The following DIAPH2 variants were observed in gnomAD, a reference collection of about 807,000 sequenced individuals.
The protein encoded by DIAPH2 is protein diaphanous homolog 2.
In DIAPH2, 35 loss-of-function variants were observed where a neutral mutation model predicts 92.7. The ratio of observed to expected loss-of-function variants is 0.38; its 90% confidence interval spans 0.29 to 0.50. DIAPH2 has a LOEUF of 0.50. Among genes scored for constraint, DIAPH2 ranks in the 20% least tolerant of loss-of-function variants. The pLI is 0.94. For missense variants in DIAPH2, 701 were observed against 819.5 expected (o/e 0.86, Z 1.77); for synonymous variants, 301 against 280.4 (o/e 1.07, Z -0.73).
Position 97,244,762 on chromosome X carries a change from T to G in DIAPH2, c.2720-2953T>G, listed in dbSNP as rs187059197. ...TTCTATGTCCCTTTATTTTCAGAGA[T>G]AAGGATGTTGGTTTCCTCAGGGTGC... On this transcript the variant is annotated intron_variant, in intron 22 of 26. Coordinates refer to ENST00000324765, the MANE Select transcript of DIAPH2 (RefSeq NM_006729.5). Among the ~76,000 whole-genome samples the G allele has an allele frequency of 6.3e-5, 7 of 111,877 alleles. No homozygotes were observed. The East Asian group carries it at 1.7e-3, about 27-fold the overall frequency.
chrX:97,300,912 A>C (rs1461898455), intron 23 of DIAPH2, among the ~76,000 whole-genome samples: 1 of 84,637 alleles, frequency 1.2e-5, no homozygotes, highest in African/African-American at 4.3e-5. Flanking sequence ...AGCCTGGGCC[A>C]CAGAGCAAGA....
intron 26 of DIAPH2, among the ~76,000 whole-genome samples, chrX:97,465,915 T>TGA (rs1308903715): frequency 2.7e-5 from 3 of 111,628 alleles, no homozygotes; most frequent in Non-Finnish European, 5.6e-5. Flanking sequence ...CTCGAACTCC[T>TGA]GACCTCAGGT....
chrX:97,556,309 T>A (rs5921851), intron 26 of DIAPH2, among the ~76,000 whole-genome samples: 47,190 of 110,951 alleles, frequency 0.43, 7,542 homozygotes, highest in Non-Finnish European at 0.51. Context: ...TCTGTTAAGT[T>A]GTTCATCATC....
intron 22 of DIAPH2, among the ~76,000 whole-genome samples, chrX:97,183,821 GAAC>G (rs1166945453): frequency 1.8e-5 from 2 of 111,767 alleles, no homozygotes; most frequent in Non-Finnish European, 3.8e-5. Context: ...TGTGCAGCAT[GAAC>G]AACAAAAAAA....
At chrX:97,323,318 G>A (rs1477525562) in intron 23 of DIAPH2, among the ~76,000 whole-genome samples, 1 of 105,569 alleles carries the variant, frequency 9.5e-6, no homozygotes, top group Non-Finnish European at 2.0e-5. Context: ...TTGGCCGGGC[G>A]CGGTGGCTCA....
At chrX:96,960,976 A>C (rs1369819001) in intron 16 of DIAPH2, among the ~76,000 whole-genome samples, 2 of 111,210 alleles carry the variant, frequency 1.8e-5, no homozygotes, top group Non-Finnish European at 3.8e-5. Context: ...TATCTTTTGG[A>C]TGTGCTGTTG....
At chrX:97,146,007 CTTTTTT>C (rs372292277) in intron 22 of DIAPH2, among the ~76,000 whole-genome samples, 6 of 43,172 alleles carry the variant, frequency 1.4e-4, no homozygotes, top group Admixed American at 4.3e-4. Flanking sequence ...TTTCTTCTTC[CTTTTTT>C]TTTTTTTTTT....
intron 25 of DIAPH2, among the ~76,000 whole-genome samples, chrX:97,399,421 G>T (rs1169349441): frequency 1.8e-5 from 2 of 112,107 alleles, no homozygotes; most frequent in South Asian, 3.7e-4. Flanking sequence ...ATGTTGGTTT[G>T]TTTGGCCTGT....
At chrX:96,976,160 C>T (rs1282439479) in intron 17 of DIAPH2, among the ~76,000 whole-genome samples, 1 of 109,586 alleles carries the variant, frequency 9.1e-6, no homozygotes, top group African/African-American at 3.3e-5. Context: ...TATAAGTGTG[C>T]ACCACGATAC....
chrX:97,255,257 A>G (rs752342323), intron 23 of DIAPH2, among the ~76,000 whole-genome samples: 6 of 111,447 alleles, frequency 5.4e-5, no homozygotes, highest in Admixed American at 2.9e-4. Flanking sequence ...CTCAAATGGG[A>G]AAAAAAATGT....
chrX:97,113,765 T>A (rs186720382), intron 20 of DIAPH2, among the ~76,000 whole-genome samples: 1 of 112,179 alleles, frequency 8.9e-6, no homozygotes, highest in African/African-American at 3.2e-5. Flanking sequence ...TGGTGTCTAA[T>A]CTGTACTTGG....
At position 96,965,202 on chromosome X, in the gene DIAPH2, T is replaced by G. The variant is rs376844457; in HGVS notation, c.2045T>G (p.Ile682Arg). 7 of 1,158,736 alleles carry G rather than the reference T, an allele frequency of 6.0e-6. No individual in the cohort carries two copies. The African/African-American group carries it at 1.3e-4, about 21-fold the overall frequency. The change falls in exon 17 of 27, where the codon ATA (isoleucine) becomes AGA (arginine). Residue 682 changes from isoleucine to arginine, a missense_variant. This residue lies in a region of DIAPH2 where 536 missense variants were observed against 599.3 expected (regional missense o/e 0.89). Transcript: ENST00000324765. ...AKLALNFATQ[I>R]KVQKNAEALE... is the part of the protein sequence containing the mutation. Reference sequence around the variant, plus strand: ...TTGGCATTGAATTTTGCTACTCAGATAAAAGGTACATTTTTAAAAATAAAA... The same window carrying G: ...TTGGCATTGAATTTTGCTACTCAGAGAAAAGGTACATTTTTAAAAATAAAA...
chrX:97,346,432 C>T (rs778073700), intron 23 of DIAPH2, among the ~76,000 whole-genome samples: 1 of 108,461 alleles, frequency 9.2e-6, no homozygotes, highest in Admixed American at 1.0e-4. Flanking sequence ...CCTCCTTCTC[C>T]GTCTTCCTCC....
At chrX:97,319,046 C>T (rs942158195) in intron 23 of DIAPH2, among the ~76,000 whole-genome samples, 11 of 111,513 alleles carry the variant, frequency 9.9e-5, no homozygotes, top group East Asian at 5.6e-4. Flanking sequence ...AGACTCCTTA[C>T]GACATTTTAA....
intron 26 of DIAPH2, among the ~76,000 whole-genome samples, chrX:97,583,203 T>G (rs144919655): frequency 0.024 from 2,651 of 112,347 alleles, 88 homozygotes; most frequent in African/African-American, 0.082. Context: ...CCAGCTTTGT[T>G]CTGCTGCTGG....
intron 22 of DIAPH2, among the ~76,000 whole-genome samples, chrX:97,231,161 C>T (rs1225297235): frequency 4.5e-5 from 5 of 110,363 alleles, no homozygotes; most frequent in African/African-American, 1.6e-4. Flanking sequence ...GTCAGCAGTC[C>T]ATACGTTAGG....
intron 26 of DIAPH2, among the ~76,000 whole-genome samples, chrX:97,496,312 A>G (rs2070757730): frequency 9.3e-6 from 1 of 107,509 alleles, no homozygotes. Context: ...AGTAGCTGGG[A>G]TTACAGGCAT....
chrX:97,523,126 C>G (rs1339700891), intron 26 of DIAPH2, among the ~76,000 whole-genome samples: 2 of 111,635 alleles, frequency 1.8e-5, no homozygotes, highest in South Asian at 3.8e-4. Context: ...AAAGAGGGTG[C>G]CTTTTCTTAC....
chrX:97,409,721 C>T (rs1267880129), intron 25 of DIAPH2, among the ~76,000 whole-genome samples: 4 of 112,394 alleles, frequency 3.6e-5, no homozygotes, highest in South Asian at 7.6e-4. Context: ...GAGATTATAT[C>T]CCGTGCCTGG....
Sources: gnomAD v4.1 joint callset for allele counts (sites outside exome capture counted in the v4.1 genomes callset) on GRCh38, gnomAD v4.1.1 for gene constraint, gnomAD v4.1.1 regional missense constraint, MANE v1.5 for transcripts, NCBI Gene and HGNC (gene_info 2026-07-23, HGNC 2026-07-21) for gene names.